The following IDO1 variants were observed in gnomAD, a reference collection of about 807,000 sequenced individuals.
The protein encoded by IDO1 is indoleamine 2,3-dioxygenase 1.
IDO1 carries 35 observed loss-of-function variants against 38.8 expected under a neutral mutation model. The observed-to-expected ratio is 0.90, with a 90% CI of 0.69 to 1.20. The LOEUF is 1.20. IDO1 is among the 50% of genes most tolerant of loss of function. The pLI, the probability that IDO1 is intolerant of heterozygous loss-of-function variation, is 0.00. For missense variants in IDO1, 509 were observed against 485.1 expected, an observed-to-expected ratio of 1.05 and a Z score of -0.46; for synonymous variants, 171 against 170.0, an observed-to-expected ratio of 1.01 and a Z score of -0.05.
chr8:39,924,229 G>C (rs781167649), intron 7 of IDO1, among the ~76,000 whole-genome samples: 2 of 152,004 alleles, frequency 1.3e-5, no homozygotes, highest in Non-Finnish European at 2.9e-5. Context: ...GACTGAGTGC[G>C]GTGGCTCATA....
In IDO1 at chr8:39,924,716, T is replaced by G. The variant is rs909014387; in HGVS notation, c.656-5T>G. 1 of 1,596,032 alleles carries G rather than the reference T, an allele frequency of 6.3e-7. No homozygotes were observed. The highest frequency in any genetic ancestry group is 1.3e-5 in the African/African-American group (1 of 74,714). ...CTTAATTAAACATATTCCATCTTTT[T>G]ACAGATCATGTGAACCCAAAAGCAT... is the stretch of plus-strand genomic sequence containing the variant. On this transcript the variant is annotated splice_region_variant and splice_polypyrimidine_tract_variant and intron_variant, in intron 7 of 9. Transcript: ENST00000518237.
At chr8:39,914,474 C>A (rs1807143096) in intron 1 of IDO1, among the ~76,000 whole-genome samples, 1 of 152,142 alleles carries the variant, frequency 6.6e-6, no homozygotes, top group African/African-American at 2.4e-5. Context: ...GCACATCAAG[C>A]ACCTTCCATG....
intron 1 of IDO1, 85 bp downstream of exon 1, chr8:39,914,094 G>T: frequency 6.5e-6 from 6 of 924,236 alleles, no homozygotes; most frequent in Non-Finnish European, 1.0e-5. Flanking sequence ...GAACAACTGT[G>T]GTTCAGTAAC....
At chr8:39,918,764 A>AC in intron 3 of IDO1, 51 bp from the exon 4 acceptor site, 1 of 754,980 alleles carries the variant, frequency 1.3e-6, no homozygotes, top group South Asian at 1.6e-5. Context: ...AAAAAAAAAA[A>AC]AAAAACAACA....
chr8:39,919,950 A>G lies in IDO1; in HGVS notation c.423-150A>G, dbSNP rs1271418640. The G allele has an allele frequency of 7.7e-5, 53 of 689,120 alleles. No homozygotes were observed. In the Middle Eastern group the frequency reaches 6.5e-3, roughly 85 times the overall value. The allele number at this position is 689,120 out of a possible 1,614,324, so 42.7% of individuals were successfully genotyped here. On this transcript the variant is annotated intron_variant, in intron 4 of 9. Transcript: ENST00000518237. ...AAGTTAAATGTAATGCCTACTGAAG[A>G]AACATTTTAATAAGCTTTTTCTTTT...
intron 9 of IDO1, among the ~76,000 whole-genome samples, chr8:39,927,560 A>G: frequency 7.3e-6 from 1 of 136,972 alleles, no homozygotes; most frequent in East Asian, 2.1e-4. Context: ...ACTCTGTCTC[A>G]AAAAAAAAAA....
Position 39,918,123 on chromosome 8 carries a change from C to G in IDO1, c.219C>G (p.His73Gln). ...TCAGCATTGATCATCTCACAGACCA[C>G]AAGTCACAGCGCCTTGCACGTCTAG... ...NMLSIDHLTD[H>Q]KSQRLARLVL... The change falls in exon 3 of 10, where the codon CAC (histidine) becomes CAG (glutamine). Residue 73 changes from histidine (H) to glutamine (Q), a missense_variant. Coordinates refer to ENST00000518237, the MANE Select transcript of IDO1 (RefSeq NM_002164.6). The G allele has an allele frequency of 1.2e-6, 2 of 1,613,954 alleles. No homozygotes were observed. The highest frequency in any genetic ancestry group is 1.3e-5 in the African/African-American group (1 of 75,040).
At chr8:39,925,942 C>T (rs112341826) in intron 9 of IDO1, among the ~76,000 whole-genome samples, 4 of 152,160 alleles carry the variant, frequency 2.6e-5, no homozygotes, top group African/African-American at 9.6e-5. Context: ...AATCCTAGCA[C>T]TTTGGGAGGC....
chr8:39,920,037 A>C, intron 4 of IDO1, 63 bp from the exon 5 acceptor site: 10 of 1,386,240 alleles, frequency 7.2e-6, no homozygotes, highest in Non-Finnish European at 9.2e-6. Flanking sequence ...TCATTATTTG[A>C]TGTTAAATTG....
intron 5 of IDO1, 75 bp downstream of exon 5, chr8:39,920,189 C>CCAAATG: frequency 8.7e-7 from 1 of 1,150,506 alleles, no homozygotes; most frequent in Non-Finnish European, 1.3e-6. Flanking sequence ...TCAATAGACT[C>CCAAATG]CAAATGCATT....
At chr8:39,921,452 C>T (rs1348925609) in intron 5 of IDO1, among the ~76,000 whole-genome samples, 1 of 151,880 alleles carries the variant, frequency 6.6e-6, no homozygotes, top group Non-Finnish European at 1.5e-5. Context: ...GACCCCATCT[C>T]AAAAAATTAA....
At chr8:39,918,584 A>G (rs1371831338) in intron 3 of IDO1, among the ~76,000 whole-genome samples, 1 of 151,806 alleles carries the variant, frequency 6.6e-6, no homozygotes, top group African/African-American at 2.4e-5. Flanking sequence ...CATCTCTACT[A>G]AAAATACAAA....
chr8:39,916,025 G>A (rs923849157), intron 1 of IDO1, among the ~76,000 whole-genome samples: 1 of 151,616 alleles, frequency 6.6e-6, no homozygotes, highest in Non-Finnish European at 1.5e-5. Flanking sequence ...AATTCGCAGG[G>A]CATAGTGGCA....
At chr8:39,927,616 C>T (rs1379509909) in intron 9 of IDO1, among the ~76,000 whole-genome samples, 1 of 150,826 alleles carries the variant, frequency 6.6e-6, no homozygotes, top group Non-Finnish European at 1.5e-5. Context: ...ATGAGTTTAG[C>T]TCATTCAGTT....
intron 1 of IDO1, among the ~76,000 whole-genome samples, chr8:39,916,914 A>C (rs769418055): frequency 3.9e-5 from 6 of 152,234 alleles, no homozygotes; most frequent in African/African-American, 7.2e-5. Flanking sequence ...AAAAAATAAG[A>C]TGTACTAGAT....
intron 9 of IDO1, among the ~76,000 whole-genome samples, chr8:39,925,963 G>A (rs13263777): frequency 0.36 from 54,530 of 151,812 alleles, 11,531 homozygotes; most frequent in Admixed American, 0.47. Flanking sequence ...CGAGGCGGGC[G>A]GATCACAAGA....
chr8:39,920,136 G>T (rs1416359444), intron 5 of IDO1, 22 bp downstream of exon 5: 14 of 1,589,212 alleles, frequency 8.8e-6, no homozygotes, highest in Non-Finnish European at 1.1e-5. Flanking sequence ...ATTCTTGTTT[G>T]ATTCTAAGAA....
intron 3 of IDO1, 69 bp from the exon 4 acceptor site, chr8:39,918,746 C>CAAAA (rs1214540367): frequency 1.1e-3 from 324 of 292,462 alleles, no homozygotes; most frequent in East Asian, 1.8e-3. Flanking sequence ...GACTCCATCT[C>CAAAA]AAAAAAAAAA....
At chr8:39,917,842 A>G in intron 1 of IDO1, 33 bp from the exon 2 acceptor site, 2 of 1,388,272 alleles carry the variant, frequency 1.4e-6, no homozygotes, top group Non-Finnish European at 2.0e-6. Flanking sequence ...AATAACTGCT[A>G]CTACTAAATA....
Sources: allele counts gnomAD v4.1 joint callset (sites outside exome capture counted in the v4.1 genomes callset), GRCh38; gene constraint gnomAD v4.1.1; transcripts MANE v1.5; gene names NCBI Gene and HGNC (gene_info 2026-07-23, HGNC 2026-07-21).